TSPAN10: variants seen among roughly 807,000 people sequenced by gnomAD.
TSPAN10 encodes tetraspanin 10.
Under a neutral mutation model 15.0 loss-of-function variants are expected in TSPAN10, and 11 were observed. The ratio of observed to expected loss-of-function variants is 0.73; its 90% CI spans 0.46 to 1.21. The LOEUF (loss-of-function observed/expected upper bound fraction) is 1.21. Among genes scored for constraint, TSPAN10 ranks in the 50% most tolerant of loss-of-function variants. The probability of loss-of-function intolerance (pLI) is 0.00; values close to 1 mark genes in which losing one functional copy is unlikely to be tolerated. For missense variants in TSPAN10, 486 were observed against 470.6 expected (o/e 1.03, Z -0.30); for synonymous variants, 241 against 226.2 (o/e 1.07, Z -0.59).
exon 1 of TSPAN10, chr17:81,637,215 C>G (rs2036111175): frequency 4.2e-6 from 2 of 472,722 alleles, no homozygotes; most frequent in Non-Finnish European, 7.6e-6. Flanking sequence ...ATCCCTGCAA[C>G]TGGAGGAGGG....
rs771596436 is a variant in TSPAN10 at position 81,644,973 on chromosome 17, G to C, written c.37-19G>C. ...GTCTGGGTGAATGCGGTCTCACCCT[G>C]TTCCTCTTCCCTCTGCAGGAAACTG... On this transcript the variant is annotated intron_variant, in intron 1 of 2. Coordinates refer to ENST00000611590, the Ensembl canonical transcript of TSPAN10. 6.2e-7 allele frequency: 1 copy of C among 1,608,766 alleles called. No homozygotes were observed. Among genetic ancestry groups the C allele is most frequent in the Admixed American group, 1.7e-5 (1 of 59,824 alleles).
chr17:81,646,722 G>T (rs1244760172), intron 2 of TSPAN10: 1 of 151,640 alleles, frequency 6.6e-6, no homozygotes, highest in Admixed American at 6.6e-5. Flanking sequence ...GTGAATTCAG[G>T]ACATTATTCT....
At chr17:81,643,806 A>G (rs1466644857) in intron 1 of TSPAN10, among the ~76,000 whole-genome samples, 1 of 151,624 alleles carries the variant, frequency 6.6e-6, no homozygotes, top group African/African-American at 2.4e-5. Flanking sequence ...GCACACAGCC[A>G]TGGCTGCTTT....
chr17:81,638,033 C>A (rs2144367511), upstream of TSPAN10: 1 of 143,130 alleles, frequency 7.0e-6, no homozygotes, highest in East Asian at 2.2e-4. Context: ...TTCACAACAT[C>A]ACAATTACTG....
At chr17:81,648,347 C>A (rs998934842), downstream of TSPAN10, 326 of 1,195,362 alleles carry the variant, frequency 2.7e-4, no homozygotes, top group Middle Eastern at 2.0e-3. Context: ...GGGGGCGCCT[C>A]CGCCCGGCTA....
exon 2 of TSPAN10, chr17:81,645,277 C>T (rs2036230835): frequency 6.5e-7 from 1 of 1,533,416 alleles, no homozygotes; most frequent in Non-Finnish European, 8.7e-7. Flanking sequence ...CAAGGGGTCT[C>T]TGGGAAGTGA....
At chr17:81,640,864 G>A (rs919438430), upstream of TSPAN10, among the ~76,000 whole-genome samples, 2 of 151,964 alleles carry the variant, frequency 1.3e-5, no homozygotes, top group Admixed American at 6.6e-5. Context: ...GATGATGATC[G>A]TTTCATTAAA....
chr17:81,644,992 G>C, exon 2 of TSPAN10: 1 of 1,610,638 alleles, frequency 6.2e-7, no homozygotes, highest in Non-Finnish European at 8.5e-7. Flanking sequence ...CCCTCTGCAG[G>C]AAACTGCAGG....
upstream of TSPAN10, chr17:81,637,644 C>CA (rs1238052719): frequency 1.1e-5 from 5 of 456,984 alleles, no homozygotes; most frequent in African/African-American, 8.1e-5. Context: ...ACTCAAAATA[C>CA]AAAATTAGGC....
At chr17:81,637,601 C>T (rs975959939), upstream of TSPAN10, 18 of 519,470 alleles carry the variant, frequency 3.5e-5, no homozygotes, top group African/African-American at 3.3e-4. Context: ...AAGTTCGAGA[C>T]CAGCCTGGCC....
chr17:81,642,299 G>C, upstream of TSPAN10: 1 of 1,297,392 alleles, frequency 7.7e-7, no homozygotes, highest in East Asian at 2.3e-5. Flanking sequence ...GGGCTGCACT[G>C]TTCACAGACT....
intron 1 of TSPAN10, among the ~76,000 whole-genome samples, chr17:81,644,632 A>G (rs2036218457): frequency 6.6e-6 from 1 of 152,170 alleles, no homozygotes; most frequent in African/African-American, 2.4e-5. Flanking sequence ...GGCGACCCTG[A>G]CCCGGGGAGG....
upstream of TSPAN10, chr17:81,637,600 A>G (rs2036121814): frequency 3.2e-5 from 17 of 524,032 alleles, no homozygotes; most frequent in Non-Finnish European, 5.5e-5. Context: ...AAAGTTCGAG[A>G]CCAGCCTGGC....
At chr17:81,645,027 G>C in exon 2 of TSPAN10, 2 of 1,597,364 alleles carry the variant, frequency 1.3e-6, no homozygotes, top group South Asian at 2.2e-5. Context: ...CTGTGCACAG[G>C]CCACCCACCT....
rs767761086 is a variant in TSPAN10, at chr17:81,645,106, G to T, written c.151G>T (p.Glu51Ter). The T allele has an allele frequency of 2.5e-6, 4 of 1,589,076 alleles. No homozygotes were observed. The highest frequency in any genetic ancestry group is 1.9e-5 in the Admixed American group (1 of 51,612). The change falls in exon 2 of 3, where the codon GAG (glutamate) becomes TAG (stop). Residue 51 changes from glutamate to a stop codon, truncating the protein, a stop_gained. Coordinates refer to ENST00000611590, the Ensembl canonical transcript of TSPAN10. LOFTEE classifies it high-confidence loss of function. ...CTGGGGCTGCAGCTGCTGTCCCCCGGAGACCAAGCACCAGGCCTTGAGTGG... is the reference window on the plus strand; with the variant it reads ...CTGGGGCTGCAGCTGCTGTCCCCCGTAGACCAAGCACCAGGCCTTGAGTGG...
intron 2 of TSPAN10, chr17:81,645,965 T>C: frequency 2.3e-6 from 1 of 427,980 alleles, no homozygotes; most frequent in Non-Finnish European, 4.2e-6. Context: ...TGCTTGCCTC[T>C]CCTTGTTCTA....
exon 3 of TSPAN10, chr17:81,648,225 G>A: frequency 7.8e-7 from 1 of 1,285,980 alleles, no homozygotes; most frequent in East Asian, 3.3e-5. Flanking sequence ...GAGCGCGCGG[G>A]GAGGACCGCG....
At chr17:81,647,788 G>A (rs1215577086) in intron 2 of TSPAN10, 113 bp from the exon 4 acceptor site, 1 of 1,149,976 alleles carries the variant, frequency 8.7e-7, no homozygotes, top group African/African-American at 1.6e-5. Flanking sequence ...GTGTGTGCAT[G>A]TGCCTGTGTG....
upstream of TSPAN10, among the ~76,000 whole-genome samples, chr17:81,639,428 G>C (rs1019372975): frequency 6.6e-6 from 1 of 151,154 alleles, no homozygotes; most frequent in African/African-American, 2.4e-5. Context: ...GGCTGGTCTC[G>C]ATCTCCTGAC....
Sources: allele counts gnomAD v4.1 joint callset (sites outside exome capture counted in the v4.1 genomes callset), GRCh38; gene constraint gnomAD v4.1.1; transcripts MANE v1.5; gene names NCBI Gene and HGNC (gene_info 2026-07-23, HGNC 2026-07-21).